Variants in ULK4 observed in about 807,000 individuals in gnomAD.
ULK4 encodes the protein inactive serine/threonine-protein kinase ULK4.
A neutral mutation model predicts 160.6 loss-of-function variants in ULK4; 133 were observed. That is an observed-to-expected ratio of 0.83 (90% CI 0.72 to 0.96). The LOEUF (loss-of-function observed/expected upper bound fraction) is 0.96, where lower values mean the gene tolerates loss of function less well. ULK4 is among the 40% of genes least tolerant of loss of function. The pLI is 0.00. For missense variants in ULK4, 1,580 were observed against 1,499.5 expected, an observed-to-expected ratio of 1.05 and a Z score of -0.89; for synonymous variants, 534 against 539.8, an observed-to-expected ratio of 0.99 and a Z score of 0.15.
chr3:41,636,622 A>G (rs1373630662), intron 30 of ULK4, among the ~76,000 whole-genome samples: 2 of 151,406 alleles, frequency 1.3e-5, no homozygotes, highest in African/African-American at 4.9e-5. Context: ...AATTATTATT[A>G]TACTTTAAGT....
At chr3:41,841,381 G>A (rs2041922902) in intron 17 of ULK4, among the ~76,000 whole-genome samples, 1 of 151,032 alleles carries the variant, frequency 6.6e-6, no homozygotes, top group Non-Finnish European at 1.5e-5. Flanking sequence ...CCTCTGCCCG[G>A]CTGCCCTTCG....
At chr3:41,948,672 G>A (rs1700187328) in intron 2 of ULK4, among the ~76,000 whole-genome samples, 2 of 143,156 alleles carry the variant, frequency 1.4e-5, no homozygotes, top group Admixed American at 1.4e-4. Context: ...AAAAACGCAT[G>A]ATCATCTCAA....
At chr3:41,877,213 GA>G (rs1226424301) in intron 17 of ULK4, among the ~76,000 whole-genome samples, 2 of 151,870 alleles carry the variant, frequency 1.3e-5, no homozygotes, top group African/African-American at 2.4e-5. Flanking sequence ...TATCCCAAGG[GA>G]AAAAAAGTAC....
rs771788554 is a variant in ULK4, at chr3:41,935,885, CACA to C, written c.291_293del (p.Val98del). On this transcript the variant is annotated inframe_deletion, in exon 4 of 37. Transcript: ENST00000301831. ...TAATCAGGTCAATTCCAAATTCTCT[CACA>C]ACATCTTCTGGGAGGTTTTCATCTT... The C allele has an allele frequency of 7.4e-6, 12 of 1,613,862 alleles. No individual in the cohort carries two copies. The highest frequency in any genetic ancestry group is 6.6e-5 in the South Asian group (6 of 91,046).
chr3:41,679,332 G>A (rs1400923317), intron 29 of ULK4, among the ~76,000 whole-genome samples: 1 of 152,172 alleles, frequency 6.6e-6, no homozygotes, highest in Non-Finnish European at 1.5e-5. Context: ...TCTAAGGTAG[G>A]TACTATTATC....
chr3:41,535,226 A>G (rs77788458), intron 32 of ULK4, among the ~76,000 whole-genome samples: 122 of 152,354 alleles, frequency 8.0e-4, no homozygotes, highest in Non-Finnish European at 1.5e-3. Flanking sequence ...TTCAACATGT[A>G]TGTTCTAGCA....
At chr3:41,692,380 AAT>A (rs1370538086) in intron 27 of ULK4, among the ~76,000 whole-genome samples, 1 of 152,070 alleles carries the variant, frequency 6.6e-6, no homozygotes, top group Non-Finnish European at 1.5e-5. Flanking sequence ...ACCTTATTAA[AAT>A]AGAGACTGAA....
intron 18 of ULK4, among the ~76,000 whole-genome samples, chr3:41,833,539 A>T (rs180888185): frequency 9.9e-5 from 15 of 151,972 alleles, no homozygotes; most frequent in African/African-American, 3.6e-4. Context: ...CTCATGATCC[A>T]CCTGCCTCAG....
intron 34 of ULK4, among the ~76,000 whole-genome samples, chr3:41,423,723 T>TG (rs2082712305): frequency 6.6e-6 from 1 of 151,326 alleles, no homozygotes; most frequent in Non-Finnish European, 1.5e-5. Context: ...TCTTGACCCA[T>TG]GGGGAGTGAG....
intron 30 of ULK4, among the ~76,000 whole-genome samples, chr3:41,640,156 T>C (rs1250994702): frequency 1.3e-5 from 2 of 152,158 alleles, no homozygotes; most frequent in African/African-American, 4.8e-5. Flanking sequence ...GGAGGTCCCA[T>C]TTCTATTGGC....
intron 18 of ULK4, among the ~76,000 whole-genome samples, chr3:41,829,117 C>T (rs2041478236): frequency 6.6e-6 from 1 of 151,144 alleles, no homozygotes; most frequent in South Asian, 2.1e-4. Context: ...AACTGGATCC[C>T]TTCCTTACAC....
chr3:41,246,894 G>A lies in ULK4; in HGVS notation c.*35C>T, dbSNP rs754342213. ...CTTGCTTATGCATCCGAGGGCTGGGGCCACAGGGCGGGCTTGTGCTAAGCA... is the reference window on the plus strand; with the variant it reads ...CTTGCTTATGCATCCGAGGGCTGGGACCACAGGGCGGGCTTGTGCTAAGCA... On this transcript the variant is annotated 3_prime_UTR_variant, in exon 37 of 37. Transcript: ENST00000301831. 2 of 1,608,924 alleles carry A rather than the reference G, an allele frequency of 1.2e-6. No homozygotes were observed. The highest frequency in any genetic ancestry group is 3.4e-5 in the Admixed American group (2 of 59,512).
At chr3:41,474,690 C>A (rs771346914) in intron 32 of ULK4, among the ~76,000 whole-genome samples, 1 of 150,616 alleles carries the variant, frequency 6.6e-6, no homozygotes, top group Non-Finnish European at 1.5e-5. Context: ...GAACAAGGAA[C>A]TTGAATAGAC....
At chr3:41,596,760 G>C (rs955354956) in intron 31 of ULK4, among the ~76,000 whole-genome samples, 3 of 152,180 alleles carry the variant, frequency 2.0e-5, no homozygotes, top group Admixed American at 2.0e-4. Context: ...TTAGAAGACA[G>C]CTGAGGTACT....
chr3:41,291,409 CGAAA>C (rs2079560249), intron 35 of ULK4, among the ~76,000 whole-genome samples: 1 of 6,880 alleles, frequency 1.5e-4, no homozygotes, highest in Non-Finnish European at 2.8e-4. Context: ...AAAAGAATAA[CGAAA>C]GAAGGAAGGA....
intron 30 of ULK4, among the ~76,000 whole-genome samples, chr3:41,622,729 C>A (rs2033316125): frequency 6.6e-6 from 1 of 152,142 alleles, no homozygotes; most frequent in Non-Finnish European, 1.5e-5. Flanking sequence ...AACAAACTTG[C>A]ATGTTCTGCA....
chr3:41,620,086 A>G (rs768665290), intron 30 of ULK4, among the ~76,000 whole-genome samples: 1 of 152,196 alleles, frequency 6.6e-6, no homozygotes, highest in Non-Finnish European at 1.5e-5. Context: ...CCCTGAATAG[A>G]CCAATAAGAA....
At chr3:41,525,922 C>T (rs533157189) in intron 32 of ULK4, among the ~76,000 whole-genome samples, 25 of 152,276 alleles carry the variant, frequency 1.6e-4, no homozygotes, top group Admixed American at 2.0e-4. Flanking sequence ...TGTGTGACTA[C>T]CTAAAGCCTA....
At position 41,447,535 on chromosome 3, in the gene ULK4, C is replaced by G. The variant is rs143212602; in HGVS notation, c.3492+7962G>C. 4.5e-3 allele frequency among the ~76,000 whole-genome samples: 681 copies of G among 152,236 alleles called. 6 individuals are homozygous for G. Among genetic ancestry groups the G allele is most frequent in the African/African-American group, 0.011 (447 of 41,542 alleles). ...AAAGTAATGGGAGAAAGCAGATCTGCAGTTCCGGGGCCTTTCTTCCCTAAA... is the reference window on the plus strand; with the variant it reads ...AAAGTAATGGGAGAAAGCAGATCTGGAGTTCCGGGGCCTTTCTTCCCTAAA... On this transcript the variant is annotated intron_variant, in intron 34 of 36. Transcript: ENST00000301831.
Sources: gnomAD v4.1 joint callset for allele counts (sites outside exome capture counted in the v4.1 genomes callset) on GRCh38, gnomAD v4.1.1 for gene constraint, MANE v1.5 for transcripts, NCBI Gene and HGNC (gene_info 2026-07-23, HGNC 2026-07-21) for gene names.